Variants in DOCK3 observed in about 807,000 individuals in gnomAD.
DOCK3 encodes the protein dedicator of cytokinesis protein 3.
In DOCK3, 60 loss-of-function variants were observed where a neutral mutation model predicts 265.6. That is an observed-to-expected ratio of 0.23 (90% CI 0.18 to 0.28). The LOEUF (loss-of-function observed/expected upper bound fraction) is 0.28, where lower values mean the gene tolerates loss of function less well. Among genes scored for constraint, DOCK3 ranks in the 10% least tolerant of loss-of-function variants. The probability of loss-of-function intolerance (pLI) is 1.00; values close to 1 mark genes in which losing one functional copy is unlikely to be tolerated. For missense variants in DOCK3, 1,981 were observed against 2,594.3 expected, an observed-to-expected ratio of 0.76 and a Z score of 5.14; for synonymous variants, 881 against 938.0, an observed-to-expected ratio of 0.94 and a Z score of 1.11.
chr3:50,925,556 TA>T (rs574801837), intron 4 of DOCK3, among the ~76,000 whole-genome samples: 20 of 145,598 alleles, frequency 1.4e-4, no homozygotes, highest in East Asian at 4.0e-4. Context: ...TCTGCCTCCT[TA>T]AAAAAAAAAA....
chr3:51,285,191 G>A (rs561707540), intron 27 of DOCK3, among the ~76,000 whole-genome samples: 4 of 152,184 alleles, frequency 2.6e-5, no homozygotes, highest in Non-Finnish European at 5.9e-5. Context: ...ATCTCTGGAT[G>A]GATGAATTGG....
intron 5 of DOCK3, among the ~76,000 whole-genome samples, chr3:50,942,431 A>T (rs988893022): frequency 6.6e-6 from 1 of 152,056 alleles, no homozygotes; most frequent in Non-Finnish European, 1.5e-5. Flanking sequence ...ATGAATAGCT[A>T]TTATGCTATG....
Position 50,681,550 on chromosome 3 carries a change from G to C in DOCK3, c.37+6250G>C, listed in dbSNP as rs560488142. 1.8e-3 allele frequency among the ~76,000 whole-genome samples: 280 copies of C among 152,224 alleles called. 1 individual carries two copies. Among genetic ancestry groups the C allele is most frequent in the Non-Finnish European group, 3.4e-3 (229 of 68,012 alleles). On this transcript the variant is annotated intron_variant, in intron 1 of 52. Coordinates refer to ENST00000266037, the MANE Select transcript of DOCK3 (RefSeq NM_004947.5). The stretch of plus-strand genomic sequence containing the variant: ...ACCCCCTTTTGACAGCTTTTGCAGG[G>C]AGAAGCAAGCATTTTTTTCACATAA...
At chr3:51,275,590 G>C (rs1050039477) in intron 25 of DOCK3, among the ~76,000 whole-genome samples, 1 of 152,014 alleles carries the variant, frequency 6.6e-6, no homozygotes, top group East Asian at 1.9e-4. Context: ...GCTTATTCAG[G>C]CTCTTCTGTT....
At chr3:51,321,310 A>T (rs2083711044) in intron 32 of DOCK3, among the ~76,000 whole-genome samples, 1 of 152,164 alleles carries the variant, frequency 6.6e-6, no homozygotes, top group Non-Finnish European at 1.5e-5. Context: ...CCACACAGAG[A>T]CCTCATCTGA....
intron 2 of DOCK3, among the ~76,000 whole-genome samples, chr3:50,785,342 T>C (rs1384752041): frequency 1.3e-5 from 2 of 152,196 alleles, no homozygotes; most frequent in East Asian, 3.8e-4. Flanking sequence ...TGGCTAGGAC[T>C]TCCAGTACTA....
intron 3 of DOCK3, among the ~76,000 whole-genome samples, chr3:50,845,304 T>C (rs970349820): frequency 6.6e-6 from 1 of 152,334 alleles, no homozygotes; most frequent in East Asian, 1.9e-4. Flanking sequence ...TACTTGATTT[T>C]ATTTTTGTGC....
intron 26 of DOCK3, chr3:51,278,455 C>G: frequency 1.0e-6 from 1 of 985,350 alleles, no homozygotes; most frequent in Non-Finnish European, 1.2e-6. Flanking sequence ...TTACAGTGAT[C>G]TCTCTGAAGA....
chr3:51,115,818 G>T (rs1245567366), intron 9 of DOCK3, among the ~76,000 whole-genome samples: 1 of 152,080 alleles, frequency 6.6e-6, no homozygotes, highest in Admixed American at 6.5e-5. Context: ...GTTAATTTTT[G>T]TATAAGTCGT....
chr3:50,960,944 G>T (rs774497483), intron 5 of DOCK3, among the ~76,000 whole-genome samples: 1 of 151,946 alleles, frequency 6.6e-6, no homozygotes. Context: ...TTCTTTCCCC[G>T]CATTGAGTTG....
chr3:50,957,809 G>T (rs978139404), intron 5 of DOCK3, among the ~76,000 whole-genome samples: 1 of 152,186 alleles, frequency 6.6e-6, no homozygotes, highest in African/African-American at 2.4e-5. Context: ...AATAATTCTA[G>T]TTCTCTTCAT....
At chr3:50,720,990 AGT>A (rs964381565) in intron 1 of DOCK3, among the ~76,000 whole-genome samples, 3 of 150,338 alleles carry the variant, frequency 2.0e-5, no homozygotes, top group Non-Finnish European at 4.4e-5. Context: ...TTGTTGGCTG[AGT>A]GTGTGTTTTC....
chr3:51,099,536 G>A lies in DOCK3; in HGVS notation c.746+9152G>A, dbSNP rs76693259. 8.2e-3 allele frequency among the ~76,000 whole-genome samples: 1,250 copies of A among 152,178 alleles called. 21 individuals are homozygous for A. Among genetic ancestry groups the A allele is most frequent in the African/African-American group, 0.029 (1,191 of 41,450 alleles). On this transcript the variant is annotated intron_variant, in intron 9 of 52. Coordinates refer to ENST00000266037, the MANE Select transcript of DOCK3 (RefSeq NM_004947.5). ...CAAAGTAGAGCAGAATGACTGATGC[G>A]TCTCACATATCAAAAAAATCCTCTG...
At chr3:50,882,143 G>T (rs1347996792) in intron 3 of DOCK3, among the ~76,000 whole-genome samples, 1 of 152,098 alleles carries the variant, frequency 6.6e-6, no homozygotes, top group East Asian at 1.9e-4. Context: ...TTAAACCTTA[G>T]ACCTAAAACC....
At chr3:51,367,560 T>C (rs1415136467) in intron 49 of DOCK3, among the ~76,000 whole-genome samples, 5 of 152,240 alleles carry the variant, frequency 3.3e-5, no homozygotes, top group East Asian at 3.8e-4. Flanking sequence ...TTTTGCTCGT[T>C]AGTTGATGCA....
chr3:51,012,647 C>T (rs984722079), intron 5 of DOCK3, among the ~76,000 whole-genome samples: 5 of 150,648 alleles, frequency 3.3e-5, no homozygotes, highest in African/African-American at 9.7e-5. Context: ...GGACTGCACC[C>T]ACTGTCCTGC....
At chr3:51,087,676 A>G (rs1334296819) in intron 7 of DOCK3, among the ~76,000 whole-genome samples, 3 of 152,212 alleles carry the variant, frequency 2.0e-5, no homozygotes, top group Non-Finnish European at 4.4e-5. Context: ...TAAATTGGAA[A>G]GGTAGAAGTC....
At chr3:51,120,492 C>G (rs960752637) in intron 9 of DOCK3, among the ~76,000 whole-genome samples, 3 of 152,214 alleles carry the variant, frequency 2.0e-5, no homozygotes, top group Non-Finnish European at 4.4e-5. Context: ...AGCTCAAGCA[C>G]CGTGCTGGGA....
At chr3:51,122,699 GGGAAAAGGAAAT>G (rs773142390) in intron 9 of DOCK3, among the ~76,000 whole-genome samples, 16 of 152,292 alleles carry the variant, frequency 1.1e-4, no homozygotes, top group East Asian at 1.9e-4. Flanking sequence ...GCATTTGCAT[GGGAAAAGGAAAT>G]GGAAAAGGAA....
Sources: allele counts gnomAD v4.1 joint callset (sites outside exome capture counted in the v4.1 genomes callset), GRCh38; gene constraint gnomAD v4.1.1; transcripts MANE v1.5; gene names NCBI Gene and HGNC (gene_info 2026-07-23, HGNC 2026-07-21).